TMEM95: variants seen among roughly 807,000 people sequenced by gnomAD.
TMEM95 encodes the protein transmembrane protein 95.
Under a neutral mutation model 27.7 loss-of-function variants are expected in TMEM95, and 21 were observed. The observed-to-expected ratio is 0.76, with a 90% CI of 0.54 to 1.09. The LOEUF (loss-of-function observed/expected upper bound fraction) is 1.09. Ranked by LOEUF, TMEM95 falls within the 50% of genes least tolerant of loss-of-function variation. The probability of loss-of-function intolerance (pLI) is 0.00; values close to 1 mark genes in which losing one functional copy is unlikely to be tolerated. For synonymous variants in TMEM95, 77 were observed against 85.7 expected (o/e 0.90, Z 0.56); for missense variants, 203 against 217.9 (o/e 0.93, Z 0.43).
chr17:7,355,850 C>G lies in TMEM95; in HGVS notation c.239C>G (p.Ala80Gly). ...RVLRVMEIKEAVSSLPSYWSW... is the reference protein window; with the variant it reads ...RVLRVMEIKEGVSSLPSYWSW... ...TCTGCCTCCCCAGAAATCAAAGAGG[C>G]TGTCTCCTCACTCCCTTCATATTGG... The change falls in exon 3 of 7, where the codon GCT (alanine) becomes GGT (glycine). Residue 80 changes from alanine to glycine, a missense_variant. Coordinates refer to ENST00000576060, the MANE Select transcript of TMEM95 (RefSeq NM_001320436.2). This position sits in a 1 kb window ranked among gnomAD's most constrained non-coding sequence, Gnocchi z 4.9. The G allele has an allele frequency of 6.2e-7, 1 of 1,613,990 alleles. No individual in the cohort carries two copies. The highest frequency in any genetic ancestry group is 8.5e-7 in the Non-Finnish European group (1 of 1,179,978).
At position 7,355,829 on chromosome 17, in the gene TMEM95, C is replaced by T; in HGVS notation, c.227-9C>T. ...CCCAGGGAAACGGAGCTGCTGTCTG[C>T]CTCCCCAGAAATCAAAGAGGCTGTC... On this transcript the variant is annotated splice_polypyrimidine_tract_variant and intron_variant, in intron 2 of 6. Coordinates refer to ENST00000576060, the MANE Select transcript of TMEM95 (RefSeq NM_001320436.2). The surrounding 1 kb of genome is among the most constrained non-coding windows in gnomAD (Gnocchi z 4.9). The T allele has an allele frequency of 6.2e-7, 1 of 1,613,696 alleles. No homozygotes were observed. The highest frequency in any genetic ancestry group is 1.1e-5 in the South Asian group (1 of 91,062).
rs1006446345 is a variant in TMEM95, at chr17:7,355,481, C to T, written c.170-105C>T. On this transcript the variant is annotated intron_variant, in intron 1 of 6. Transcript: ENST00000576060. The surrounding 1 kb of genome is among the most constrained non-coding windows in gnomAD (Gnocchi z 4.9). ...CCCTCCATCTGTGGCCCTTTCTGGA[C>T]ATGCTGGCCTTTCCCTCTGAGAGAG... 6.5e-7 allele frequency: 1 copy of T among 1,530,650 alleles called. No homozygotes were observed. Among genetic ancestry groups the T allele is most frequent in the African/African-American group, 1.4e-5 (1 of 72,666 alleles). 94.8% of individuals were successfully genotyped at this position (1,530,650 alleles called of 1,614,324 possible).
In TMEM95 at chr17:7,357,185, C is replaced by T. The variant is rs2073525846; in HGVS notation, c.*553C>T. The T allele has an allele frequency of 1.3e-5, 2 of 153,766 alleles. No homozygotes were observed. The highest frequency in any genetic ancestry group is 6.5e-5 in the Admixed American group (1 of 15,410). The allele number at this position is 153,766 out of a possible 1,614,324, so 9.5% of individuals were successfully genotyped here. A position where few individuals can be genotyped will look rare whatever the true frequency, so the allele number is the denominator to read the frequency against. ...CCTGGCCTCCCTCAGAGGCCTCCAT[C>T]CTGCCAGGCCTAAGTAAAACTTGCT... On this transcript the variant is annotated 3_prime_UTR_variant, in exon 7 of 7. Coordinates refer to ENST00000576060, the MANE Select transcript of TMEM95 (RefSeq NM_001320436.2).
Position 7,355,540 on chromosome 17 carries a change from A to C in TMEM95, c.170-46A>C. ...CTGGGAAAGTCAGGAGAGACCCCAG[A>C]ACCTGGGCTGATGAGGGAATCGCTG... On this transcript the variant is annotated intron_variant, in intron 1 of 6. Coordinates refer to ENST00000576060, the MANE Select transcript of TMEM95 (RefSeq NM_001320436.2). The surrounding 1 kb of genome is among the most constrained non-coding windows in gnomAD (Gnocchi z 4.9). 1 of 1,549,720 alleles carries C rather than the reference A, an allele frequency of 6.5e-7. No individual in the cohort carries two copies. The highest frequency in any genetic ancestry group is 8.7e-7 in the Non-Finnish European group (1 of 1,144,896).
At chr17:7,356,306 C>G in intron 5 of TMEM95, 30 bp downstream of exon 5, 1 of 1,599,700 alleles carries the variant, frequency 6.3e-7, no homozygotes, top group Non-Finnish European at 8.5e-7. Flanking sequence ...CCCCGCCCCA[C>G]CTTGCCCAGA....
intron 4 of TMEM95, 66 bp from the exon 5 acceptor site, chr17:7,356,130 C>T: frequency 6.2e-7 from 1 of 1,607,630 alleles, no homozygotes; most frequent in Non-Finnish European, 8.5e-7. Flanking sequence ...CAGGAGGAAG[C>T]TGGGTACCAG....
chr17:7,355,302 G>A lies in TMEM95; in HGVS notation c.98G>A (p.Arg33Gln), dbSNP rs369600209. The A allele has an allele frequency of 2.7e-5, 43 of 1,613,950 alleles. No individual in the cohort carries two copies. The highest frequency in any genetic ancestry group is 6.7e-5 in the Admixed American group (4 of 59,982). ...PAHDLSGRLA[R>Q]LCSQMEARQK... ...CACGACTTGTCAGGCCGCCTGGCTC[G>A]GCTCTGCAGCCAGATGGAGGCCAGG... Residue 33 changes from arginine (R) to glutamine (Q), a missense_variant, in exon 1 of 7, where the codon CGG becomes CAG. Transcript: ENST00000576060. This position sits in a 1 kb window ranked among gnomAD's most constrained non-coding sequence, Gnocchi z 4.9.
rs2073519881 is a variant in TMEM95 at position 7,356,847 on chromosome 17, C to T, written c.*215C>T. On this transcript the variant is annotated 3_prime_UTR_variant, in exon 7 of 7. Transcript: ENST00000576060. Reference sequence around the variant, plus strand: ...CCCCACAATCCCAGTGTCAGATGGCCTCCCGGGAACCCAGGCACCCACAGC... The same window carrying T: ...CCCCACAATCCCAGTGTCAGATGGCTTCCCGGGAACCCAGGCACCCACAGC... 1 of 571,130 alleles carries T rather than the reference C, an allele frequency of 1.8e-6. No individual in the cohort carries two copies. Among genetic ancestry groups the T allele is most frequent in the Admixed American group, 3.4e-5 (1 of 29,376 alleles). The allele number at this position is 571,130 out of a possible 1,614,324, so 35.4% of individuals were successfully genotyped here.
At position 7,356,970 on chromosome 17, in the gene TMEM95, A is replaced by ACCACAC; in HGVS notation, c.*347_*352dup. 2.7e-6 allele frequency: 1 copy of ACCACAC among 377,356 alleles called. No individual in the cohort carries two copies. The highest frequency in any genetic ancestry group is 4.8e-6 in the Non-Finnish European group (1 of 210,140). 23.4% of individuals were successfully genotyped at this position (377,356 alleles called of 1,614,324 possible). A position where few individuals can be genotyped will look rare whatever the true frequency, so the allele number is the denominator to read the frequency against. ...GGAAAGAATCCCCTACGCCACTCCC[A>ACCACAC]CCACACCCACACCCCCTTCTGCCTG... On this transcript the variant is annotated 3_prime_UTR_variant, in exon 7 of 7. Transcript: ENST00000576060.
At position 7,356,796 on chromosome 17, in the gene TMEM95, CAAG is replaced by C; in HGVS notation, c.*167_*169del. The C allele has an allele frequency of 1.3e-6, 1 of 765,168 alleles. No homozygotes were observed. Among genetic ancestry groups the C allele is most frequent in the Non-Finnish European group, 2.0e-6 (1 of 490,924 alleles). 47.4% of individuals were successfully genotyped at this position (765,168 alleles called of 1,614,324 possible). A position where few individuals can be genotyped will look rare whatever the true frequency, so the allele number is the denominator to read the frequency against. On this transcript the variant is annotated 3_prime_UTR_variant, in exon 7 of 7. Coordinates refer to ENST00000576060, the MANE Select transcript of TMEM95 (RefSeq NM_001320436.2). ...TTCTGGTTGGTGAGATAATGAAAAACAAGAAAATCCCCAAAAACCCAGATCCCC... is the reference window on the plus strand; with the variant it reads ...TTCTGGTTGGTGAGATAATGAAAAACAAAATCCCCAAAAACCCAGATCCCC...
In TMEM95 at chr17:7,356,802, A is replaced by C; in HGVS notation, c.*170A>C. 2.8e-6 allele frequency: 2 copies of C among 723,046 alleles called. No homozygotes were observed. The highest frequency in any genetic ancestry group is 2.2e-6 in the Non-Finnish European group (1 of 457,430). The allele number at this position is 723,046 out of a possible 1,614,324, so 44.8% of individuals were successfully genotyped here. ...TTGGTGAGATAATGAAAAACAAGAA[A>C]ATCCCCAAAAACCCAGATCCCCCAC... On this transcript the variant is annotated 3_prime_UTR_variant, in exon 7 of 7. Coordinates refer to ENST00000576060, the MANE Select transcript of TMEM95 (RefSeq NM_001320436.2).
chr17:7,355,204 C>T lies in TMEM95; in HGVS notation c.-1C>T. The T allele has an allele frequency of 1.2e-6, 2 of 1,612,324 alleles. No homozygotes were observed. Among genetic ancestry groups the T allele is most frequent in the South Asian group, 2.2e-5 (2 of 90,790 alleles). On this transcript the variant is annotated 5_prime_UTR_variant, in exon 1 of 7. Transcript: ENST00000576060. The surrounding 1 kb of genome is among the most constrained non-coding windows in gnomAD (Gnocchi z 4.9). ...CGCCGCCCCATCCCCCAGTGGTCCT[C>T]ATGTGGAGGCTGGCACTAGGCGGGG... is the stretch of plus-strand genomic sequence containing the variant.
intron 4 of TMEM95, 44 bp from the exon 5 acceptor site, chr17:7,356,152 G>A: frequency 6.3e-7 from 1 of 1,593,090 alleles, no homozygotes; most frequent in Non-Finnish European, 8.6e-7. Context: ...CAGGGTGGAG[G>A]CCCGGCCTCC....
At position 7,357,045 on chromosome 17, in the gene TMEM95, A is replaced by C; in HGVS notation, c.*413A>C. 4.1e-6 allele frequency: 1 copy of C among 241,276 alleles called. No homozygotes were observed. The highest frequency in any genetic ancestry group is 8.0e-6 in the Non-Finnish European group (1 of 125,178). 14.9% of individuals were successfully genotyped at this position (241,276 alleles called of 1,614,324 possible). A position where few individuals can be genotyped will look rare whatever the true frequency, so the allele number is the denominator to read the frequency against. ...CCCAGAAGCTATTCCAGGCCCTCCT[A>C]TGACTGATGGGGAATCCGGGAATGC... is the stretch of plus-strand genomic sequence containing the variant. On this transcript the variant is annotated 3_prime_UTR_variant, in exon 7 of 7. Transcript: ENST00000576060.
chr17:7,355,928 C>A lies in TMEM95; in HGVS notation c.307+10C>A, dbSNP rs373032193. 8 of 1,613,756 alleles carry A rather than the reference C, an allele frequency of 5.0e-6. 1 individual carries two copies. The highest frequency in any genetic ancestry group is 3.4e-6 in the Non-Finnish European group (4 of 1,179,822). ...GAGTACACCAGGGAAGGTACCGATG[C>A]GGGATGGGCCTCAAGGGGAGCCTAG... On this transcript the variant is annotated intron_variant, in intron 3 of 6. Coordinates refer to ENST00000576060, the MANE Select transcript of TMEM95 (RefSeq NM_001320436.2). The surrounding 1 kb of genome is among the most constrained non-coding windows in gnomAD (Gnocchi z 4.9).
At position 7,356,064 on chromosome 17, in the gene TMEM95, A is replaced by G. The variant is rs1158937228; in HGVS notation, c.328+15A>G. The stretch of plus-strand genomic sequence containing the variant: ...CCCCGCCTGCCGTGAGTAGGAAAGG[A>G]AAGGGGTAGCAAGGACCTGGGGCCT... On this transcript the variant is annotated intron_variant, in intron 4 of 6. Transcript: ENST00000576060. 11 of 1,613,810 alleles carry G rather than the reference A, an allele frequency of 6.8e-6. No individual in the cohort carries two copies. Among genetic ancestry groups the G allele is most frequent in the Non-Finnish European group, 9.3e-6 (11 of 1,179,916 alleles).
At position 7,355,881 on chromosome 17, in the gene TMEM95, G is replaced by C; in HGVS notation, c.270G>C (p.Trp90Cys). The change falls in exon 3 of 7, where the codon TGG becomes TGC. Residue 90 changes from tryptophan to cysteine, a missense_variant. Trp to Cys is a radical substitution (Grantham distance 215). Coordinates refer to ENST00000576060, the MANE Select transcript of TMEM95 (RefSeq NM_001320436.2). This position sits in a 1 kb window ranked among gnomAD's most constrained non-coding sequence, Gnocchi z 4.9. Reference sequence around the variant, plus strand: ...CCTCACTCCCTTCATATTGGAGTTGGCTTCGAAAGACCAAGCTCCCTGAGT... The same window carrying C: ...CCTCACTCCCTTCATATTGGAGTTGCCTTCGAAAGACCAAGCTCCCTGAGT... ...AVSSLPSYWS[W>C]LRKTKLPEYT... 1 of 1,614,018 alleles carries C rather than the reference G, an allele frequency of 6.2e-7. No individual in the cohort carries two copies. Among genetic ancestry groups the C allele is most frequent in the South Asian group, 1.1e-5 (1 of 91,084 alleles).
In TMEM95 at chr17:7,357,043, C is replaced by G. The variant is rs1186555875; in HGVS notation, c.*411C>G. 8.1e-6 allele frequency: 2 copies of G among 246,878 alleles called. No homozygotes were observed. Among genetic ancestry groups the G allele is most frequent in the Non-Finnish European group, 7.8e-6 (1 of 128,836 alleles). The allele number at this position is 246,878 out of a possible 1,614,324, so 15.3% of individuals were successfully genotyped here. A position where few individuals can be genotyped will look rare whatever the true frequency, so the allele number is the denominator to read the frequency against. ...GCCCCAGAAGCTATTCCAGGCCCTC[C>G]TATGACTGATGGGGAATCCGGGAAT... On this transcript the variant is annotated 3_prime_UTR_variant, in exon 7 of 7. Coordinates refer to ENST00000576060, the MANE Select transcript of TMEM95 (RefSeq NM_001320436.2).
In TMEM95 at chr17:7,357,061, C is replaced by T; in HGVS notation, c.*429C>T. 4.8e-6 allele frequency: 1 copy of T among 209,006 alleles called. No individual in the cohort carries two copies. 12.9% of individuals were successfully genotyped at this position (209,006 alleles called of 1,614,324 possible). On this transcript the variant is annotated 3_prime_UTR_variant, in exon 7 of 7. Coordinates refer to ENST00000576060, the MANE Select transcript of TMEM95 (RefSeq NM_001320436.2). ...GGCCCTCCTATGACTGATGGGGAAT[C>T]CGGGAATGCATGTTCTGGAAAACTC...
Sources: allele counts gnomAD v4.1 joint callset, GRCh38; gene constraint gnomAD v4.1.1; non-coding constraint Gnocchi (gnomAD v3.1); transcripts MANE v1.5; gene names NCBI Gene and HGNC (gene_info 2026-07-23, HGNC 2026-07-21).